Variants in NAALADL2 observed in about 807,000 individuals in gnomAD.
The protein encoded by NAALADL2 is inactive N-acetylated-alpha-linked acidic dipeptidase-like protein 2.
Under a neutral mutation model 87.2 loss-of-function variants are expected in NAALADL2, and 76 were observed. The observed-to-expected ratio is 0.87, with a 90% CI of 0.72 to 1.05. The LOEUF (loss-of-function observed/expected upper bound fraction) is 1.05, where lower values mean the gene tolerates loss of function less well. Among genes scored for constraint, NAALADL2 ranks in the 50% least tolerant of loss-of-function variants. NAALADL2 has a pLI of 0.00. For synonymous variants in NAALADL2, 354 were observed against 331.0 expected (o/e 1.07, Z -0.75); for missense variants, 1,089 against 945.8 (o/e 1.15, Z -1.99).
At chr3:175,317,361 AT>A (rs1335924548) in intron 4 of NAALADL2, among the ~76,000 whole-genome samples, 1 of 148,140 alleles carries the variant, frequency 6.8e-6, no homozygotes, top group Non-Finnish European at 1.5e-5. Context: ...TAAAAAAAAA[AT>A]GTGGATTCCC....
intron 1 of NAALADL2, among the ~76,000 whole-genome samples, chr3:174,974,747 C>T (rs770693377): frequency 6.6e-5 from 10 of 152,000 alleles, no homozygotes; most frequent in Non-Finnish European, 1.2e-4. Context: ...TACTCACAGG[C>T]TTTCCTCGGT....
At chr3:175,693,678 A>G (rs1169905614) in intron 11 of NAALADL2, among the ~76,000 whole-genome samples, 1 of 151,982 alleles carries the variant, frequency 6.6e-6, no homozygotes, top group Non-Finnish European at 1.5e-5. Context: ...GAAAAGTGAC[A>G]GATTTAGTTT....
At chr3:175,177,749 A>G (rs1735890948) in intron 2 of NAALADL2, among the ~76,000 whole-genome samples, 2 of 152,010 alleles carry the variant, frequency 1.3e-5, no homozygotes, top group South Asian at 4.1e-4. Context: ...CACGTATTTA[A>G]TCCTTGCAAC....
intron 3 of NAALADL2, among the ~76,000 whole-genome samples, chr3:174,784,723 G>A (rs1472835872): frequency 6.6e-6 from 1 of 152,174 alleles, no homozygotes; most frequent in Non-Finnish European, 1.5e-5. Context: ...CCAAATGTGA[G>A]TAATTCTTTA....
intron 4 of NAALADL2, 83 bp from the exon 5 acceptor site, chr3:175,324,092 T>G: frequency 2.3e-5 from 21 of 929,624 alleles, no homozygotes; most frequent in Non-Finnish European, 1.6e-6. Flanking sequence ...AGTCATCTTA[T>G]CATAGCCACA....
intron 2 of NAALADL2, among the ~76,000 whole-genome samples, chr3:174,641,172 A>G (rs889319265): frequency 4.6e-5 from 7 of 151,880 alleles, no homozygotes; most frequent in African/African-American, 1.7e-4. Context: ...CAAAGAAGCA[A>G]ACGGCCAGGG....
intron 9 of NAALADL2, among the ~76,000 whole-genome samples, chr3:175,540,294 G>A (rs558194969): frequency 8.6e-4 from 131 of 152,224 alleles, no homozygotes; most frequent in Non-Finnish European, 1.7e-3. Flanking sequence ...TGATCCTTAC[G>A]GATATGTCTG....
chr3:175,185,754 A>T (rs1264805184), intron 2 of NAALADL2, among the ~76,000 whole-genome samples: 37 of 150,440 alleles, frequency 2.5e-4, no homozygotes, highest in Non-Finnish European at 1.5e-4. Flanking sequence ...TAATTATTTT[A>T]TATAATTATA....
chr3:175,405,724 A>G (rs910665901), intron 5 of NAALADL2, among the ~76,000 whole-genome samples: 2 of 129,788 alleles, frequency 1.5e-5, no homozygotes, highest in Admixed American at 8.1e-5. Context: ...TTGAACACCT[A>G]TGTTCCTGGC....
chr3:175,381,244 A>T (rs1429327918), intron 5 of NAALADL2, among the ~76,000 whole-genome samples: 2 of 151,554 alleles, frequency 1.3e-5, no homozygotes, highest in African/African-American at 4.8e-5. Context: ...CAAAAACATT[A>T]ATGTTTTACT....
intron 9 of NAALADL2, among the ~76,000 whole-genome samples, chr3:175,526,276 A>T (rs1398887726): frequency 6.6e-6 from 1 of 152,196 alleles, no homozygotes; most frequent in African/African-American, 2.4e-5. Context: ...GCATTGGTAC[A>T]GCTGTGCTTT....
intron 10 of NAALADL2, among the ~76,000 whole-genome samples, chr3:175,619,563 G>A (rs1173601144): frequency 6.6e-6 from 1 of 151,712 alleles, no homozygotes; most frequent in African/African-American, 2.4e-5. Flanking sequence ...TTCAACAAGG[G>A]AAAGAAAACT....
At chr3:174,503,736 C>T (rs754714937) in intron 1 of NAALADL2, among the ~76,000 whole-genome samples, 4 of 152,058 alleles carry the variant, frequency 2.6e-5, no homozygotes, top group Non-Finnish European at 5.9e-5. Context: ...AGACATTTCA[C>T]TTGGTTGTCT....
chr3:175,566,877 T>C (rs1477054787), intron 9 of NAALADL2, among the ~76,000 whole-genome samples: 10 of 152,124 alleles, frequency 6.6e-5, no homozygotes, highest in African/African-American at 1.9e-4. Context: ...ATTTTTGTCA[T>C]ACAGAAAAGT....
chr3:175,340,987 A>G (rs1333832551), intron 5 of NAALADL2, among the ~76,000 whole-genome samples: 1 of 151,626 alleles, frequency 6.6e-6, no homozygotes, highest in African/African-American at 2.4e-5. Context: ...AGAAAGTGTG[A>G]CTTCAACTAA....
intron 5 of NAALADL2, among the ~76,000 whole-genome samples, chr3:175,396,075 A>G (rs1560485561): frequency 6.6e-6 from 1 of 152,190 alleles, no homozygotes; most frequent in Non-Finnish European, 1.5e-5. Context: ...ATGAATAGCA[A>G]TGGAATCCTG....
intron 3 of NAALADL2, among the ~76,000 whole-genome samples, chr3:175,240,334 A>T (rs1392975975): frequency 1.3e-5 from 2 of 152,252 alleles, no homozygotes; most frequent in Non-Finnish European, 2.9e-5. Flanking sequence ...TTTTCTCAGA[A>T]AGTCTCAAAG....
intron 11 of NAALADL2, among the ~76,000 whole-genome samples, chr3:175,731,239 T>C (rs908251052): frequency 6.6e-6 from 1 of 152,168 alleles, no homozygotes; most frequent in Non-Finnish European, 1.5e-5. Flanking sequence ...AGCCTCAGTT[T>C]CTTTTTTTTA....
At chr3:175,491,503 G>C (rs146160076) in intron 9 of NAALADL2, among the ~76,000 whole-genome samples, 12 of 152,150 alleles carry the variant, frequency 7.9e-5, no homozygotes, top group Middle Eastern at 3.4e-3. Context: ...GACTAACTTT[G>C]GGATTAAGTT....
Sources: gnomAD v4.1 joint callset for allele counts (sites outside exome capture counted in the v4.1 genomes callset) on GRCh38, gnomAD v4.1.1 for gene constraint, MANE v1.5 for transcripts, NCBI Gene and HGNC (gene_info 2026-07-23, HGNC 2026-07-21) for gene names.